The following XPR1 variants were observed in gnomAD, a reference collection of about 807,000 sequenced individuals.
The protein encoded by XPR1 is solute carrier family 53 member 1.
In XPR1, 28 loss-of-function variants were observed where a neutral mutation model predicts 87.5. That is an observed-to-expected ratio of 0.32 (90% CI 0.24 to 0.44). The LOEUF is 0.44. Ranked by LOEUF, XPR1 falls within the 20% of genes least tolerant of loss-of-function variation. The probability of loss-of-function intolerance (pLI) is 1.00; values close to 1 mark genes in which losing one functional copy is unlikely to be tolerated. For synonymous variants in XPR1, 300 were observed against 306.1 expected (o/e 0.98, Z 0.21); for missense variants, 559 against 862.3 (o/e 0.65, Z 4.41).
chr1:180,715,424 A>G (rs1318413399), intron 2 of XPR1, among the ~76,000 whole-genome samples: 2 of 152,150 alleles, frequency 1.3e-5, no homozygotes, highest in Non-Finnish European at 2.9e-5. Flanking sequence ...AGATTGCCTT[A>G]TTTTTTATCA....
Position 180,884,186 on chromosome 1 carries a change from G to A in XPR1, c.*120G>A. The A allele has an allele frequency of 5.4e-6, 4 of 746,640 alleles. No individual in the cohort carries two copies. The highest frequency in any genetic ancestry group is 2.3e-5 in the South Asian group (1 of 42,612). 46.3% of individuals were successfully genotyped at this position (746,640 alleles called of 1,614,324 possible). ...GGAGAAAACACATAACACATTTTCCGAGCTCTTCCGGATCGGATCCTATGG... is the reference window on the plus strand; with the variant it reads ...GGAGAAAACACATAACACATTTTCCAAGCTCTTCCGGATCGGATCCTATGG... On this transcript the variant is annotated 3_prime_UTR_variant, in exon 15 of 15. Coordinates refer to ENST00000367590, the MANE Select transcript of XPR1 (RefSeq NM_004736.4).
intron 13 of XPR1, chr1:180,877,935 G>A (rs995561099): frequency 2.0e-5 from 3 of 152,128 alleles, no homozygotes; most frequent in African/African-American, 4.8e-5. Context: ...TATAACATTC[G>A]TCTAAGTCAA....
chr1:180,783,570 A>G (rs987253180), intron 2 of XPR1, among the ~76,000 whole-genome samples: 6 of 152,044 alleles, frequency 3.9e-5, no homozygotes, highest in African/African-American at 1.4e-4. Context: ...TAACTTATGT[A>G]CATATTTTCC....
At position 180,841,867 on chromosome 1, in the gene XPR1, C is replaced by T. The variant is rs377700205; in HGVS notation, c.1501+5151C>T. 7.7e-4 allele frequency among the ~76,000 whole-genome samples: 117 copies of T among 151,558 alleles called. 1 individual carries two copies. The South Asian group carries it at 0.015, about 20-fold the overall frequency. ...AATTTTTAACCAAAAAGCTTAAAAT[C>T]GAGGGAAAAAGATTGAAAAGACAAC... On this transcript the variant is annotated intron_variant, in intron 11 of 14. Transcript: ENST00000367590.
chr1:180,840,096 G>A (rs865929105), intron 11 of XPR1, among the ~76,000 whole-genome samples: 12 of 151,550 alleles, frequency 7.9e-5, no homozygotes, highest in South Asian at 4.2e-4. Context: ...GGTGGCGGGC[G>A]CCTGTAGTCC....
intron 2 of XPR1, among the ~76,000 whole-genome samples, chr1:180,772,480 T>C (rs1648552928): frequency 6.6e-6 from 1 of 152,196 alleles, no homozygotes; most frequent in Non-Finnish European, 1.5e-5. Flanking sequence ...TGTGTGTGTG[T>C]GTGTCTGTCT....
chr1:180,705,469 T>C (rs1461907434), intron 2 of XPR1, among the ~76,000 whole-genome samples: 3 of 152,204 alleles, frequency 2.0e-5, no homozygotes, highest in Admixed American at 2.0e-4. Context: ...GTAGTGTGAT[T>C]AAATACATTT....
chr1:180,743,121 TTAATG>T (rs1269964432), intron 2 of XPR1, among the ~76,000 whole-genome samples: 1 of 152,072 alleles, frequency 6.6e-6, no homozygotes, highest in Non-Finnish European at 1.5e-5. Context: ...TCATTTATGT[TTAATG>T]TAATGATTGT....
chr1:180,679,709 G>GA (rs1656497688), intron 1 of XPR1, among the ~76,000 whole-genome samples: 1 of 151,924 alleles, frequency 6.6e-6, no homozygotes. Context: ...GGTTTTGGGG[G>GA]AAAAAACAAA....
intron 1 of XPR1, among the ~76,000 whole-genome samples, chr1:180,681,080 T>C (rs1656561870): frequency 6.6e-6 from 1 of 152,100 alleles, no homozygotes; most frequent in Non-Finnish European, 1.5e-5. Context: ...GGTCAGAGGA[T>C]AGGGAGAGAT....
At chr1:180,712,916 G>A (rs1194105763) in intron 2 of XPR1, among the ~76,000 whole-genome samples, 1 of 148,446 alleles carries the variant, frequency 6.7e-6, no homozygotes, top group African/African-American at 2.5e-5. Flanking sequence ...AAATCAATTA[G>A]CATTGTTCTT....
At chr1:180,748,800 A>G (rs1054320422) in intron 2 of XPR1, among the ~76,000 whole-genome samples, 1 of 152,208 alleles carries the variant, frequency 6.6e-6, no homozygotes, top group Non-Finnish European at 1.5e-5. Flanking sequence ...GTATTCAGTG[A>G]TGTCATATTG....
At chr1:180,696,568 A>C (rs141195694) in intron 2 of XPR1, among the ~76,000 whole-genome samples, 1 of 152,078 alleles carries the variant, frequency 6.6e-6, no homozygotes, top group African/African-American at 2.4e-5. Context: ...GAAAGTGGGC[A>C]GTTGTTACAA....
At chr1:180,658,571 T>G (rs990722050) in intron 1 of XPR1, among the ~76,000 whole-genome samples, 2 of 152,272 alleles carry the variant, frequency 1.3e-5, no homozygotes, top group Admixed American at 6.5e-5. Flanking sequence ...TGTTTGGTTT[T>G]GTTTTGTTTT....
At chr1:180,787,931 C>G in intron 3 of XPR1, 77 bp downstream of exon 3, 3 of 1,096,756 alleles carry the variant, frequency 2.7e-6, no homozygotes, top group Non-Finnish European at 4.0e-6. Flanking sequence ...AACTTCTGAT[C>G]AATGTTTTTA....
chr1:180,879,654 A>G (rs941604500), intron 13 of XPR1, among the ~76,000 whole-genome samples: 1 of 152,080 alleles, frequency 6.6e-6, no homozygotes, highest in Non-Finnish European at 1.5e-5. Context: ...GGCATACTCT[A>G]TTCCCTTGTC....
intron 1 of XPR1, among the ~76,000 whole-genome samples, chr1:180,643,725 T>A (rs1217616989): frequency 6.6e-6 from 1 of 152,134 alleles, no homozygotes; most frequent in Non-Finnish European, 1.5e-5. Flanking sequence ...CAGATTCCAT[T>A]TTTTTATCAC....
chr1:180,801,640 A>G (rs1353497777), intron 3 of XPR1, among the ~76,000 whole-genome samples: 1 of 152,196 alleles, frequency 6.6e-6, no homozygotes, highest in Non-Finnish European at 1.5e-5. Context: ...AAAATACTAA[A>G]GATTGATTGA....
intron 3 of XPR1, among the ~76,000 whole-genome samples, chr1:180,796,354 T>A (rs1396860298): frequency 6.6e-6 from 1 of 152,186 alleles, no homozygotes; most frequent in Non-Finnish European, 1.5e-5. Context: ...TCTCATACCA[T>A]AGCTGTAGTA....
Sources: gnomAD v4.1 joint callset for allele counts (sites outside exome capture counted in the v4.1 genomes callset) on GRCh38, gnomAD v4.1.1 for gene constraint, MANE v1.5 for transcripts, NCBI Gene and HGNC (gene_info 2026-07-23, HGNC 2026-07-21) for gene names.